Variants in RBFOX2 observed in about 807,000 individuals in gnomAD.
RBFOX2 encodes the protein RNA binding fox-1 homolog 2.
A neutral mutation model predicts 49.1 loss-of-function variants in RBFOX2; 10 were observed. The ratio of observed to expected loss-of-function variants is 0.20; its 90% CI spans 0.13 to 0.35. The LOEUF (loss-of-function observed/expected upper bound fraction) is 0.35. RBFOX2 is among the 10% of genes least tolerant of loss of function. The pLI is 1.00. For missense variants in RBFOX2, 323 were observed against 486.9 expected (o/e 0.66, Z 3.17); for synonymous variants, 183 against 187.4 (o/e 0.98, Z 0.19).
At chr22:35,895,360 G>A (rs531981322) in intron 1 of RBFOX2, among the ~76,000 whole-genome samples, 2 of 152,272 alleles carry the variant, frequency 1.3e-5, no homozygotes, top group South Asian at 4.1e-4. Context: ...TGCCCTCTAA[G>A]ATCAAGGCAA....
chr22:35,908,497 A>T (rs573583886), intron 1 of RBFOX2, among the ~76,000 whole-genome samples: 119 of 152,312 alleles, frequency 7.8e-4, no homozygotes, highest in Admixed American at 2.7e-3. Flanking sequence ...TAATTTACTG[A>T]ATATTATAAT....
intron 1 of RBFOX2, among the ~76,000 whole-genome samples, chr22:35,890,175 A>G (rs1443840604): frequency 6.6e-6 from 1 of 152,216 alleles, no homozygotes; most frequent in Non-Finnish European, 1.5e-5. Flanking sequence ...CAAGGTATAC[A>G]CAGTTAAGTA....
intron 1 of RBFOX2, among the ~76,000 whole-genome samples, chr22:35,938,476 C>T (rs953616395): frequency 2.0e-5 from 3 of 152,094 alleles, no homozygotes; most frequent in Admixed American, 1.3e-4. Context: ...ATTACAAGGA[C>T]TCAAAAACTC....
chr22:35,927,496 C>G (rs535001450), intron 1 of RBFOX2, among the ~76,000 whole-genome samples: 177 of 149,762 alleles, frequency 1.2e-3, no homozygotes, highest in Middle Eastern at 6.9e-3. Context: ...CCCAGCTACT[C>G]AGGAGGCTGA....
intron 1 of RBFOX2, among the ~76,000 whole-genome samples, chr22:35,952,168 T>G (rs1488135107): frequency 6.6e-6 from 1 of 152,196 alleles, no homozygotes; most frequent in Non-Finnish European, 1.5e-5. Context: ...CTGTTACAAC[T>G]TACTGCTGGA....
intron 9 of RBFOX2, among the ~76,000 whole-genome samples, chr22:35,748,850 C>T (rs146824386): frequency 1.3e-3 from 194 of 152,356 alleles, no homozygotes; most frequent in Non-Finnish European, 2.2e-3. Flanking sequence ...TTCAAAAGTA[C>T]TCAACCAAGG....
At chr22:35,955,685 G>T (rs1299482984) in intron 1 of RBFOX2, among the ~76,000 whole-genome samples, 1 of 152,018 alleles carries the variant, frequency 6.6e-6, no homozygotes, top group Non-Finnish European at 1.5e-5. Flanking sequence ...ATCTAATGCC[G>T]CCACTGATCT....
Position 35,995,107 on chromosome 22 carries a change from T to C in RBFOX2, c.186+33133A>G, listed in dbSNP as rs116730940. 395 of 152,334 alleles carry C rather than the reference T, an allele frequency of 2.6e-3. 4 individuals carry two copies. Among genetic ancestry groups the C allele is most frequent in the African/African-American group, 9.3e-3 (386 of 41,568 alleles). 9.4% of individuals were successfully genotyped at this position (152,334 alleles called of 1,614,324 possible). A position where few individuals can be genotyped will look rare whatever the true frequency, so the allele number is the denominator to read the frequency against. ...GCTTACTGTTAGAAAGAGGAACAAC[T>C]ACTTTGAAGAACTGAAAAGAAACTA... On this transcript the variant is annotated intron_variant, in intron 1 of 13. Coordinates refer to the RBFOX2 transcript ENST00000438146.
At chr22:35,805,054 G>A (rs1033357523) in intron 2 of RBFOX2, among the ~76,000 whole-genome samples, 5 of 151,964 alleles carry the variant, frequency 3.3e-5, no homozygotes, top group Admixed American at 6.5e-5. Context: ...TTGGGAGGCC[G>A]AGGCGGGCGG....
At chr22:36,027,089 C>T (rs2059468053) in intron 1 of RBFOX2, among the ~76,000 whole-genome samples, 1 of 152,058 alleles carries the variant, frequency 6.6e-6, no homozygotes, top group South Asian at 2.1e-4. Flanking sequence ...GATTCCCCAT[C>T]TATAAAATAA....
chr22:35,897,284 CA>C lies in RBFOX2; in HGVS notation c.-34+41562del, dbSNP rs1448691214. The C allele has an allele frequency of 2.0e-6, 3 of 1,510,726 alleles. No homozygotes were observed. The Admixed American group carries it at 5.0e-5, about 25-fold the overall frequency. The allele number at this position is 1,510,726 out of a possible 1,614,324, so 93.6% of individuals were successfully genotyped here. On this transcript the variant is annotated intron_variant, in intron 1 of 13. Transcript: ENST00000359369. ...GGCACTAAATGTTGACGGTCTTGGC[CA>C]GCTTCACATCCTCAATTTCAGCAGA...
At chr22:35,887,292 C>A (rs906932470) in intron 1 of RBFOX2, among the ~76,000 whole-genome samples, 1 of 152,122 alleles carries the variant, frequency 6.6e-6, no homozygotes, top group Admixed American at 6.5e-5. Context: ...GACCTCAAGG[C>A]CCTTTTACCT....
At chr22:35,827,635 T>C (rs1021037444) in intron 1 of RBFOX2, among the ~76,000 whole-genome samples, 1 of 152,202 alleles carries the variant, frequency 6.6e-6, no homozygotes, top group African/African-American at 2.4e-5. Flanking sequence ...CTCAAACTCT[T>C]TCCTCATATA....
At chr22:35,841,142 C>G (rs1324525713), upstream of RBFOX2, among the ~76,000 whole-genome samples, 1 of 152,206 alleles carries the variant, frequency 6.6e-6, no homozygotes, top group Non-Finnish European at 1.5e-5. Context: ...CACAAAGGTG[C>G]ATGCAAATTT....
At chr22:35,854,499 T>G (rs2042296128) in intron 1 of RBFOX2, among the ~76,000 whole-genome samples, 2 of 151,198 alleles carry the variant, frequency 1.3e-5, no homozygotes, top group Admixed American at 1.3e-4. Flanking sequence ...GAGGCTGAGG[T>G]GGGAGAATCA....
At chr22:35,995,840 T>TA (rs1365245764) in intron 1 of RBFOX2, 4 of 152,426 alleles carry the variant, frequency 2.6e-5, no homozygotes, top group Admixed American at 2.0e-4. Flanking sequence ...AACGGACTAA[T>TA]ACACCAACAA....
upstream of RBFOX2, among the ~76,000 whole-genome samples, chr22:35,943,455 T>C (rs1279963632): frequency 6.6e-6 from 1 of 152,062 alleles, no homozygotes; most frequent in African/African-American, 2.4e-5. Flanking sequence ...CAGAGACTGC[T>C]CAAAAATAAA....
chr22:36,000,592 G>T (rs1220192043), intron 1 of RBFOX2: 1 of 151,104 alleles, frequency 6.6e-6, no homozygotes, highest in East Asian at 1.9e-4. Flanking sequence ...ATGGAATGAA[G>T]AAAGAAAAAA....
chr22:35,905,239 T>C (rs1197633642), intron 1 of RBFOX2, among the ~76,000 whole-genome samples: 1 of 152,056 alleles, frequency 6.6e-6, no homozygotes, highest in Non-Finnish European at 1.5e-5. Context: ...AGGAATATTA[T>C]GTTAGAGGCA....
Sources: gnomAD v4.1 joint callset for allele counts (sites outside exome capture counted in the v4.1 genomes callset) on GRCh38, gnomAD v4.1.1 for gene constraint, MANE v1.5 for transcripts, NCBI Gene and HGNC (gene_info 2026-07-23, HGNC 2026-07-21) for gene names.